Variants in ASCC3 observed in about 807,000 individuals in gnomAD.
The protein encoded by ASCC3 is ASC-1 complex subunit P200.
Under a neutral mutation model 256.3 loss-of-function variants are expected in ASCC3, and 158 were observed. That is an observed-to-expected ratio of 0.62 (90% CI 0.54 to 0.70). The LOEUF (loss-of-function observed/expected upper bound fraction) is 0.70. ASCC3 is among the 30% of genes least tolerant of loss of function. The pLI is 0.00. For synonymous variants in ASCC3, 948 were observed against 883.4 expected, an observed-to-expected ratio of 1.07 and a Z score of -1.30; for missense variants, 2,259 against 2,626.0, an observed-to-expected ratio of 0.86 and a Z score of 3.05.
chr6:100,527,211 T>C (rs954565787), intron 37 of ASCC3, among the ~76,000 whole-genome samples: 5 of 152,164 alleles, frequency 3.3e-5, no homozygotes, highest in African/African-American at 4.8e-5. Flanking sequence ...CCTTGAAACA[T>C]ATCCATAAAT....
At chr6:100,704,786 A>C (rs1182991906) in intron 13 of ASCC3, among the ~76,000 whole-genome samples, 2 of 152,012 alleles carry the variant, frequency 1.3e-5, no homozygotes, top group African/African-American at 4.8e-5. Context: ...CTTAAAACTG[A>C]AGGTAGATTT....
chr6:100,523,909 TCAGA>T (rs1169155770), intron 37 of ASCC3, among the ~76,000 whole-genome samples: 3 of 152,196 alleles, frequency 2.0e-5, no homozygotes, highest in Non-Finnish European at 2.9e-5. Context: ...TTATATAAAG[TCAGA>T]CAGTGTAGAG....
At chr6:100,622,337 G>A (rs1391224022) in intron 30 of ASCC3, among the ~76,000 whole-genome samples, 3 of 152,092 alleles carry the variant, frequency 2.0e-5, no homozygotes, top group Admixed American at 2.0e-4. Context: ...GATAGAGAGA[G>A]TTCTCACAAG....
At position 100,545,204 on chromosome 6, in the gene ASCC3, G is replaced by A. The variant is rs1344036986; in HGVS notation, c.5551-4817C>T. Among the ~76,000 whole-genome samples the A allele has an allele frequency of 2.0e-5, 3 of 152,018 alleles. No individual in the cohort carries two copies. In the South Asian group the frequency reaches 6.2e-4, roughly 31 times the overall value. On this transcript the variant is annotated intron_variant, in intron 36 of 41. Transcript: ENST00000369162. The stretch of plus-strand genomic sequence containing the variant: ...TTTTGTTGCTTTTTTTTGAGACGGA[G>A]TCTTGCTCTGTCGCCCAGGCTGGAG...
rs1035289368 is a variant in ASCC3 at position 100,552,116 on chromosome 6, G to A, written c.5551-11729C>T. On this transcript the variant is annotated intron_variant, in intron 36 of 41. Coordinates refer to ENST00000369162, the MANE Select transcript of ASCC3 (RefSeq NM_006828.4). ...TTTATAAACCACTTAAACATGGTAA[G>A]ATGTGCTGTAAATGTTAGAAATAAT... Among the ~76,000 whole-genome samples, 6 of 151,654 alleles carry A rather than the reference G, an allele frequency of 4.0e-5. No individual in the cohort carries two copies. The South Asian group carries it at 1.2e-3, about 31-fold the overall frequency.
At chr6:100,832,558 T>C (rs846781) in intron 4 of ASCC3, among the ~76,000 whole-genome samples, 108,332 of 151,888 alleles carry the variant, frequency 0.71, 38,853 homozygotes, top group East Asian at 0.75. Flanking sequence ...TACACTCAAA[T>C]GAATAAATCA....
chr6:100,608,423 T>TAC (rs1271855106), intron 30 of ASCC3, among the ~76,000 whole-genome samples: 1 of 68,000 alleles, frequency 1.5e-5, no homozygotes, highest in African/African-American at 7.4e-5. Flanking sequence ...CTTATATATA[T>TAC]TTTATATATA....
At chr6:100,823,353 A>C (rs575295211) in intron 4 of ASCC3, among the ~76,000 whole-genome samples, 16 of 152,314 alleles carry the variant, frequency 1.1e-4, no homozygotes, top group South Asian at 2.1e-4. Flanking sequence ...ACAACAACAA[A>C]AAAAACAGCG....
chr6:100,665,700 A>C (rs753317569), intron 14 of ASCC3, among the ~76,000 whole-genome samples: 18 of 151,468 alleles, frequency 1.2e-4, no homozygotes, highest in African/African-American at 4.4e-4. Context: ...AGATCACATC[A>C]CTGAACTCCA....
At chr6:100,852,333 C>T (rs1772722163) in intron 3 of ASCC3, among the ~76,000 whole-genome samples, 1 of 152,154 alleles carries the variant, frequency 6.6e-6, no homozygotes, top group African/African-American at 2.4e-5. Context: ...CAATTGGCCA[C>T]ATCAGAAGGG....
intron 4 of ASCC3, among the ~76,000 whole-genome samples, chr6:100,816,569 A>G (rs920301323): frequency 6.6e-6 from 1 of 152,210 alleles, no homozygotes; most frequent in Non-Finnish European, 1.5e-5. Flanking sequence ...ATGGAATACT[A>G]TGCAGCCATA....
chr6:100,582,752 A>G (rs1165998417), intron 36 of ASCC3, among the ~76,000 whole-genome samples: 2 of 152,058 alleles, frequency 1.3e-5, no homozygotes, highest in Non-Finnish European at 2.9e-5. Context: ...TTATTTTGAG[A>G]TATGCCCCAT....
chr6:100,627,452 A>G (rs1234069208), intron 29 of ASCC3, 138 bp downstream of exon 29: 4 of 1,124,266 alleles, frequency 3.6e-6, no homozygotes, highest in Non-Finnish European at 5.2e-6. Flanking sequence ...ATTCCTTAAC[A>G]GTTGAGACAA....
chr6:100,580,238 A>C (rs1368679375), intron 36 of ASCC3, among the ~76,000 whole-genome samples: 3 of 152,120 alleles, frequency 2.0e-5, no homozygotes, highest in Admixed American at 6.6e-5. Flanking sequence ...AATTGACTAC[A>C]TAAAGCGTAA....
At chr6:100,706,378 TC>T (rs1778581972) in intron 13 of ASCC3, among the ~76,000 whole-genome samples, 1 of 150,924 alleles carries the variant, frequency 6.6e-6, no homozygotes, top group South Asian at 2.1e-4. Flanking sequence ...ACCGGGAAGT[TC>T]TTTGTTGACC....
At chr6:100,846,459 C>T (rs754301893) in intron 4 of ASCC3, among the ~76,000 whole-genome samples, 13 of 152,194 alleles carry the variant, frequency 8.5e-5, no homozygotes, top group Non-Finnish European at 1.9e-4. Flanking sequence ...GAAATATCAA[C>T]TTACATGTTA....
intron 10 of ASCC3, among the ~76,000 whole-genome samples, chr6:100,729,417 C>A (rs1779794673): frequency 6.6e-6 from 1 of 152,186 alleles, no homozygotes; most frequent in Admixed American, 6.6e-5. Context: ...GGAAGCTATG[C>A]TTCAGTTTTT....
At chr6:100,733,714 T>C (rs1488196140) in intron 10 of ASCC3, among the ~76,000 whole-genome samples, 3 of 152,320 alleles carry the variant, frequency 2.0e-5, no homozygotes, top group South Asian at 2.1e-4. Flanking sequence ...CAATTACTTA[T>C]AGTTCCTTCA....
At chr6:100,540,564 T>G (rs947711424) in intron 36 of ASCC3, among the ~76,000 whole-genome samples, 177 bp from the exon 37 acceptor site, 2 of 152,194 alleles carry the variant, frequency 1.3e-5, no homozygotes. Flanking sequence ...TGATAGTGAA[T>G]AACGTACAAT....
Sources: allele counts gnomAD v4.1 joint callset (sites outside exome capture counted in the v4.1 genomes callset), GRCh38; gene constraint gnomAD v4.1.1; transcripts MANE v1.5; gene names NCBI Gene and HGNC (gene_info 2026-07-23, HGNC 2026-07-21).